The following C17orf75 variants were observed in gnomAD, a reference collection of about 807,000 sequenced individuals.
The protein encoded by C17orf75 is protein Njmu-R1.
A neutral mutation model predicts 49.6 loss-of-function variants in C17orf75; 32 were observed. That is an observed-to-expected ratio of 0.65 (90% CI 0.49 to 0.87). The LOEUF (loss-of-function observed/expected upper bound fraction) is 0.87. Among genes scored for constraint, C17orf75 ranks in the 40% least tolerant of loss-of-function variants. C17orf75 has a pLI of 0.00. For missense variants in C17orf75, 428 were observed against 473.9 expected (o/e 0.90, Z 0.90); for synonymous variants, 158 against 159.5 (o/e 0.99, Z 0.07).
intron 5 of C17orf75, among the ~76,000 whole-genome samples, chr17:32,337,574 T>G (rs1459120780): frequency 6.6e-6 from 1 of 152,178 alleles, no homozygotes; most frequent in East Asian, 1.9e-4. Context: ...CACAGTATAT[T>G]AATCATTTCA....
Position 32,334,557 on chromosome 17 carries a change from C to A in C17orf75, c.783G>T (p.Met261Ile). ...SLQGLIHEGTMTSLCMAMTEE... is the reference protein window; with the variant it reads ...SLQGLIHEGTITSLCMAMTEE... ...CTGTCATGGCCATGCACAAAGAAGT[C>A]ATGGTGCCTTCATGAATAAGTCCTT... Residue 261 changes from methionine (M) to isoleucine (I), a missense_variant, in exon 8 of 10, where the codon ATG becomes ATT. Met to Ile is a conservative substitution (Grantham distance 10). Coordinates refer to ENST00000577809, the MANE Select transcript of C17orf75 (RefSeq NM_022344.4). The A allele has an allele frequency of 6.2e-7, 1 of 1,612,302 alleles. No homozygotes were observed.
At chr17:32,347,008 G>C (rs888488875), upstream of C17orf75, among the ~76,000 whole-genome samples, 8 of 151,672 alleles carry the variant, frequency 5.3e-5, no homozygotes, top group African/African-American at 1.9e-4. Context: ...CTGGAGTACA[G>C]TGGCACAATC....
In C17orf75 at chr17:32,331,854, A is replaced by G. The variant is rs915407857; in HGVS notation, c.1100T>C (p.Val367Ala). 1.2e-6 allele frequency: 2 copies of G among 1,613,558 alleles called. No homozygotes were observed. Among genetic ancestry groups the G allele is most frequent in the African/African-American group, 2.7e-5 (2 of 74,924 alleles). Residue 367 changes from valine to alanine, a missense_variant, in exon 10 of 10, where the codon GTT (valine) becomes GCT (alanine). Transcript: ENST00000577809. ...AGGCATTTCTTCATGTTCCACTTTA[A>G]CAATCTTCAAAAGTATATCTCCACT... ...CGSGDILLKI[V>A]KVEHEEMPEA...
intron 7 of C17orf75, 31 bp from the exon 8 acceptor site, chr17:32,334,636 C>CACAAGTCCTGCA (rs758443850): frequency 2.5e-6 from 4 of 1,608,334 alleles, no homozygotes; most frequent in Non-Finnish European, 3.4e-6. Flanking sequence ...TTTCCACAAA[C>CACAAGTCCTGCA]AATATTGCAG....
Position 32,333,513 on chromosome 17 carries a change from G to T in C17orf75, c.879C>A (p.Asn293Lys), listed in dbSNP as rs1251600326. 4.3e-6 allele frequency: 7 copies of T among 1,609,272 alleles called. No homozygotes were observed. Among genetic ancestry groups the T allele is most frequent in the Non-Finnish European group, 5.9e-6 (7 of 1,177,978 alleles). Reference protein sequence around the residue: ...SQPQFCNAGSNRFCEDWMQAF... With the variant: ...SQPQFCNAGSKRFCEDWMQAF... ...CTTGCATCCAATCCTCACAAAACCGGTTACTTCCTATAAAACATTTCAGAG... is the reference window on the plus strand; with the variant it reads ...CTTGCATCCAATCCTCACAAAACCGTTTACTTCCTATAAAACATTTCAGAG... Residue 293 changes from asparagine (N) to lysine (K), a missense_variant, in exon 9 of 10, where the codon AAC (asparagine) becomes AAA (lysine). Transcript: ENST00000577809.
At chr17:32,332,663 G>A (rs2041287461) in intron 9 of C17orf75, among the ~76,000 whole-genome samples, 1 of 152,154 alleles carries the variant, frequency 6.6e-6, no homozygotes, top group South Asian at 2.1e-4. Context: ...CTACTCAGGA[G>A]GCTGAGACAG....
intron 2 of C17orf75, 48 bp downstream of exon 2, chr17:32,341,156 C>T: frequency 6.3e-7 from 1 of 1,582,386 alleles, no homozygotes; most frequent in Non-Finnish European, 8.7e-7. Context: ...GCCAGAGATG[C>T]AGGGAAGATG....
Position 32,331,918 on chromosome 17 carries a change from CATA to C in C17orf75, c.1033_1035del (p.Tyr345del), listed in dbSNP as rs1293869140. On this transcript the variant is annotated inframe_deletion, in exon 10 of 10. Coordinates refer to ENST00000577809, the MANE Select transcript of C17orf75 (RefSeq NM_022344.4). ...AGGAACATGTAACATTTAAACAAAG[CATA>C]ATGATTCATTTCTGCCTGTCGGATA... The C allele has an allele frequency of 1.2e-6, 2 of 1,613,530 alleles. No homozygotes were observed. The highest frequency in any genetic ancestry group is 1.1e-5 in the South Asian group (1 of 91,068).
At chr17:32,332,602 A>G (rs994338643) in intron 9 of C17orf75, among the ~76,000 whole-genome samples, 5 of 152,052 alleles carry the variant, frequency 3.3e-5, no homozygotes, top group Non-Finnish European at 5.9e-5. Context: ...CCGTCTCTAC[A>G]AAAAATAAAA....
At chr17:32,349,954 C>T (rs533581587) in exon 1 of C17orf75, 1 of 1,145,250 alleles carries the variant, frequency 8.7e-7, no homozygotes, top group African/African-American at 1.6e-5. Context: ...GGGGCTCCGG[C>T]TCCTTTACAA....
chr17:32,345,008 C>T (rs1006226172), upstream of C17orf75, among the ~76,000 whole-genome samples: 5 of 152,134 alleles, frequency 3.3e-5, no homozygotes, highest in African/African-American at 1.2e-4. Context: ...CACATTCTTC[C>T]CTGTTAATCC....
chr17:32,337,862 T>G lies in C17orf75; in HGVS notation c.549+35A>C, dbSNP rs751038566. The G allele has an allele frequency of 2.5e-6, 4 of 1,577,560 alleles. No individual in the cohort carries two copies. The African/African-American group carries it at 4.0e-5, about 16-fold the overall frequency. ...GTGAGCCACTGAGCCTGGCCCCATT[T>G]CAGTCTTTAAAAACCATTAAGTCAG... On this transcript the variant is annotated intron_variant, in intron 5 of 9. Coordinates refer to ENST00000577809, the MANE Select transcript of C17orf75 (RefSeq NM_022344.4).
intron 9 of C17orf75, among the ~76,000 whole-genome samples, chr17:32,333,025 G>GGTCTTGAACTCCTGGCCT (rs1268673148): frequency 6.6e-6 from 1 of 152,156 alleles, no homozygotes; most frequent in African/African-American, 2.4e-5. Flanking sequence ...TGGCCAGGCT[G>GGTCTTGAACTCCTGGCCT]GTCTTGAACT....
chr17:32,337,949 C>T lies in C17orf75; in HGVS notation c.497G>A (p.Arg166Lys). Reference protein sequence around the residue: ...GGSEKGLELFRLELDKYIQGL... With the variant: ...GGSEKGLELFKLELDKYIQGL... ...TTGAATGTACTTGTCCAATTCAAGC[C>T]TGAAAGTATGTTCTTAAGGAAGCAA... Residue 166 changes from arginine to lysine, a missense_variant, in exon 5 of 10, where the codon AGG becomes AAG. Arg to Lys is a conservative substitution (Grantham distance 26, BLOSUM62 2). Coordinates refer to ENST00000577809, the MANE Select transcript of C17orf75 (RefSeq NM_022344.4). 1 of 1,602,042 alleles carries T rather than the reference C, an allele frequency of 6.2e-7. No homozygotes were observed. The highest frequency in any genetic ancestry group is 8.5e-7 in the Non-Finnish European group (1 of 1,173,312).
intron 5 of C17orf75, among the ~76,000 whole-genome samples, chr17:32,336,945 A>G (rs921132152): frequency 1.3e-5 from 2 of 152,090 alleles, no homozygotes; most frequent in Non-Finnish European, 2.9e-5. Context: ...CAGCAGTTCA[A>G]GAGTTCAAGA....
Position 32,339,891 on chromosome 17 carries a change from A to G in C17orf75, c.269T>C (p.Leu90Pro). 6.2e-7 allele frequency: 1 copy of G among 1,614,046 alleles called. No individual in the cohort carries two copies. The highest frequency in any genetic ancestry group is 8.5e-7 in the Non-Finnish European group (1 of 1,179,876). ...TNLPSEVEPE[L>P]RSFIAKRLSR... Reference sequence around the variant, plus strand: ...AAGACGCTTAGCAATGAAACTGCGCAGCTCTGGCTCCACTTCGGATGGTAG... The same window carrying G: ...AAGACGCTTAGCAATGAAACTGCGCGGCTCTGGCTCCACTTCGGATGGTAG... The change falls in exon 3 of 10, where the codon CTG becomes CCG. Residue 90 changes from leucine to proline, a missense_variant. Physicochemically the swap from Leu to Pro is moderately conservative, Grantham distance 98. Transcript: ENST00000577809.
intron 1 of C17orf75, 169 bp downstream of exon 1, chr17:32,341,831 G>A: frequency 9.4e-7 from 1 of 1,069,112 alleles, no homozygotes; most frequent in Non-Finnish European, 1.1e-6. Flanking sequence ...GAAGAGCAGC[G>A]GGAGGCGAGG....
At chr17:32,334,740 G>A (rs775496021) in intron 7 of C17orf75, 35 bp downstream of exon 7, 4 of 1,574,094 alleles carry the variant, frequency 2.5e-6, no homozygotes, top group Non-Finnish European at 3.5e-6. Context: ...TCTTGCTGTG[G>A]AAAAGCTTTT....
chr17:32,345,230 C>T (rs935923987), upstream of C17orf75, among the ~76,000 whole-genome samples: 3 of 152,112 alleles, frequency 2.0e-5, no homozygotes, highest in African/African-American at 7.2e-5. Context: ...GTAATCCCAG[C>T]ACTTTGGGAG....
Sources: allele counts gnomAD v4.1 joint callset (sites outside exome capture counted in the v4.1 genomes callset), GRCh38; gene constraint gnomAD v4.1.1; transcripts MANE v1.5; gene names NCBI Gene and HGNC (gene_info 2026-07-23, HGNC 2026-07-21).